The following RAPGEF2 variants were observed in gnomAD, a reference collection of about 807,000 sequenced individuals.
RAPGEF2 encodes Rap guanine nucleotide exchange factor 2, also known as PDZ domain containing guanine nucleotide exchange factor (GEF) 1.
Under a neutral mutation model 186.7 loss-of-function variants are expected in RAPGEF2, and 54 were observed. The ratio of observed to expected loss-of-function variants is 0.29; its 90% CI spans 0.23 to 0.36. The LOEUF (loss-of-function observed/expected upper bound fraction) is 0.36. RAPGEF2 is among the 10% of genes least tolerant of loss of function. RAPGEF2 has a pLI of 1.00. For missense variants in RAPGEF2, 1,532 were observed against 2,045.0 expected (o/e 0.75, Z 4.84); for synonymous variants, 712 against 705.9 (o/e 1.01, Z -0.14).
At chr4:159,126,486 A>G (rs1182338422) in intron 1 of RAPGEF2, among the ~76,000 whole-genome samples, 1 of 151,656 alleles carries the variant, frequency 6.6e-6, no homozygotes, top group Non-Finnish European at 1.5e-5. Context: ...AAGTGAAGTA[A>G]TTTTGATTGT....
chr4:159,162,420 A>C (rs1309707458), intron 1 of RAPGEF2, among the ~76,000 whole-genome samples: 1 of 151,634 alleles, frequency 6.6e-6, no homozygotes, highest in Non-Finnish European at 1.5e-5. Flanking sequence ...AGGTCTGGGA[A>C]TCTTTATATT....
At chr4:159,104,907 A>C (rs1296873244) in intron 1 of RAPGEF2, among the ~76,000 whole-genome samples, 1 of 152,222 alleles carries the variant, frequency 6.6e-6, no homozygotes, top group African/African-American at 2.4e-5. Context: ...TAGTGCTTTT[A>C]GTTTAAATTG....
At chr4:159,259,925 A>G (rs1405731866) in intron 7 of RAPGEF2, among the ~76,000 whole-genome samples, 2 of 152,082 alleles carry the variant, frequency 1.3e-5, no homozygotes, top group Admixed American at 6.5e-5. Flanking sequence ...GCAACTTTTA[A>G]TTTTTAAGGA....
At position 159,135,922 on chromosome 4, in the gene RAPGEF2, T is replaced by A. The variant is rs34574305; in HGVS notation, c.69+31691T>A. The stretch of plus-strand genomic sequence containing the variant: ...CCTTAATTCCTTGTTTTGAAATAAA[T>A]TTAGATTTACAGAAAAATTGCCAAA... On this transcript the variant is annotated intron_variant, in intron 1 of 29. Coordinates refer to ENST00000691494, the MANE Select transcript of RAPGEF2 (RefSeq NM_001394067.2). 3.3e-5 allele frequency among the ~76,000 whole-genome samples: 5 copies of A among 152,186 alleles called. No individual in the cohort carries two copies. The East Asian group carries it at 9.7e-4, about 29-fold the overall frequency.
chr4:159,209,751 C>T (rs1750337247), intron 3 of RAPGEF2, among the ~76,000 whole-genome samples: 1 of 152,140 alleles, frequency 6.6e-6, no homozygotes, highest in Non-Finnish European at 1.5e-5. Context: ...TGTATGTGCT[C>T]CTAGACCCAA....
intron 7 of RAPGEF2, among the ~76,000 whole-genome samples, chr4:159,265,793 A>T (rs1757358392): frequency 6.6e-6 from 1 of 152,194 alleles, no homozygotes; most frequent in South Asian, 2.1e-4. Flanking sequence ...GCAAAAAATA[A>T]TGATTGGAGT....
chr4:159,281,486 A>G (rs964686746), intron 7 of RAPGEF2, among the ~76,000 whole-genome samples: 1 of 148,464 alleles, frequency 6.7e-6, no homozygotes, highest in African/African-American at 2.5e-5. Flanking sequence ...CCTGGCCAAC[A>G]TGGTGAAACC....
chr4:159,167,172 A>G lies in RAPGEF2; in HGVS notation c.70-19470A>G, dbSNP rs568525985. Among the ~76,000 whole-genome samples the G allele has an allele frequency of 2.0e-5, 3 of 152,390 alleles. No homozygotes were observed. The East Asian group carries it at 5.8e-4, about 29-fold the overall frequency. On this transcript the variant is annotated intron_variant, in intron 1 of 29. Transcript: ENST00000691494. ...AAAAAAGAGAAAATAGTTGCTACTA[A>G]GTTGAAAACTCCTACGTGGTTTTCA...
chr4:159,255,707 T>A (rs950978051), intron 7 of RAPGEF2, among the ~76,000 whole-genome samples: 4 of 152,304 alleles, frequency 2.6e-5, no homozygotes, highest in Admixed American at 6.5e-5. Flanking sequence ...GATTTTTTTT[T>A]AAATAGTCTC....
At chr4:159,331,591 T>C (rs1055733025) in intron 14 of RAPGEF2, 39 bp from the exon 15 acceptor site, 15 of 1,611,186 alleles carry the variant, frequency 9.3e-6, no homozygotes, top group Middle Eastern at 1.6e-4. Flanking sequence ...TTATTCAGCC[T>C]GTTCTTGAGT....
At position 159,355,888 on chromosome 4, in the gene RAPGEF2, A is replaced by AC; in HGVS notation, c.4691dup (p.Pro1565SerfsTer10). The AC allele has an allele frequency of 1.3e-5, 9 of 696,454 alleles. No individual in the cohort carries two copies. The highest frequency in any genetic ancestry group is 7.1e-5 in the East Asian group (1 of 14,016). The allele number at this position is 696,454 out of a possible 1,614,324, so 43.1% of individuals were successfully genotyped here. A position where few individuals can be genotyped will look rare whatever the true frequency, so the allele number is the denominator to read the frequency against. ...GGGCAGGTATCGAGAGCCCCCGCCC[A>AC]CCCCTCCCGGCTACATTGGAATTCC... On this transcript the variant is annotated frameshift_variant, in exon 29 of 30. Transcript: ENST00000691494. LOFTEE classifies it high-confidence loss of function.
At chr4:159,189,008 T>TA (rs1269159950) in intron 2 of RAPGEF2, among the ~76,000 whole-genome samples, 2 of 140,368 alleles carry the variant, frequency 1.4e-5, no homozygotes, top group Non-Finnish European at 3.0e-5. Flanking sequence ...ATAACAAAAA[T>TA]AGAGGTACAG....
intron 7 of RAPGEF2, among the ~76,000 whole-genome samples, chr4:159,298,456 GA>G (rs1317424797): frequency 6.6e-6 from 1 of 152,018 alleles, no homozygotes; most frequent in Non-Finnish European, 1.5e-5. Flanking sequence ...AGGATTTAAA[GA>G]AATAAAAGAT....
intron 17 of RAPGEF2, among the ~76,000 whole-genome samples, chr4:159,334,256 A>G (rs1220751864): frequency 6.6e-6 from 1 of 152,066 alleles, no homozygotes; most frequent in East Asian, 1.9e-4. Flanking sequence ...TTTTAAATTA[A>G]TTTATTTTTT....
intron 13 of RAPGEF2, among the ~76,000 whole-genome samples, chr4:159,331,027 A>G (rs527966774): frequency 1.3e-5 from 2 of 152,262 alleles, no homozygotes; most frequent in South Asian, 2.1e-4. Flanking sequence ...CTGCACCCTT[A>G]CAGAGCTTTC....
chr4:159,193,277 T>C (rs1375012855), intron 3 of RAPGEF2, 21 bp downstream of exon 3: 1 of 1,437,216 alleles, frequency 7.0e-7, no homozygotes, highest in East Asian at 2.7e-5. Context: ...CCTTTTTGTT[T>C]GTACAATGTA....
At chr4:159,276,746 C>T (rs1465389465) in intron 7 of RAPGEF2, among the ~76,000 whole-genome samples, 1 of 151,502 alleles carries the variant, frequency 6.6e-6, no homozygotes, top group East Asian at 1.9e-4. Context: ...CCTTATTTCC[C>T]CTCTGAAAAA....
intron 1 of RAPGEF2, among the ~76,000 whole-genome samples, chr4:159,156,508 A>G (rs944617239): frequency 1.3e-5 from 2 of 151,972 alleles, no homozygotes; most frequent in African/African-American, 4.8e-5. Context: ...TTATACTTTA[A>G]GTTCTAGGGT....
chr4:159,238,059 A>ATG (rs907928601), intron 4 of RAPGEF2, among the ~76,000 whole-genome samples: 14 of 151,894 alleles, frequency 9.2e-5, no homozygotes, highest in Middle Eastern at 3.4e-3. Context: ...ATTTTTGTGA[A>ATG]TGAGTGAGGT....
Sources: gnomAD v4.1 joint callset for allele counts (sites outside exome capture counted in the v4.1 genomes callset) on GRCh38, gnomAD v4.1.1 for gene constraint, MANE v1.5 for transcripts, NCBI Gene and HGNC (gene_info 2026-07-23, HGNC 2026-07-21) for gene names.